The following PLXDC2 variants were observed in gnomAD, a reference collection of about 807,000 sequenced individuals.
PLXDC2 encodes plexin domain-containing protein 2.
A neutral mutation model predicts 68.9 loss-of-function variants in PLXDC2; 40 were observed. That is an observed-to-expected ratio of 0.58 (90% CI 0.45 to 0.76). The LOEUF (loss-of-function observed/expected upper bound fraction) is 0.76, where lower values mean the gene tolerates loss of function less well. PLXDC2 is among the 30% of genes least tolerant of loss of function. The pLI is 0.00. For missense variants in PLXDC2, 644 were observed against 661.9 expected (o/e 0.97, Z 0.30); for synonymous variants, 243 against 234.2 (o/e 1.04, Z -0.34).
intron 4 of PLXDC2, among the ~76,000 whole-genome samples, chr10:20,126,271 A>G (rs1833775705): frequency 6.8e-6 from 1 of 147,016 alleles, no homozygotes; most frequent in South Asian, 2.1e-4. Flanking sequence ...TATATAATAC[A>G]TATATACATA....
At chr10:19,822,224 A>C (rs946190586) in intron 1 of PLXDC2, among the ~76,000 whole-genome samples, 1 of 149,128 alleles carries the variant, frequency 6.7e-6, no homozygotes, top group Non-Finnish European at 1.5e-5. Flanking sequence ...TATATGCACT[A>C]CATATGCAAT....
chr10:20,035,560 G>A (rs1173233838), intron 2 of PLXDC2, among the ~76,000 whole-genome samples: 1 of 152,034 alleles, frequency 6.6e-6, no homozygotes, highest in Non-Finnish European at 1.5e-5. Context: ...GCTGGGCATG[G>A]TGGTGCGTGC....
At chr10:19,945,285 A>G (rs1448383671) in intron 1 of PLXDC2, among the ~76,000 whole-genome samples, 1 of 152,100 alleles carries the variant, frequency 6.6e-6, no homozygotes, top group East Asian at 1.9e-4. Context: ...GTGGCTCCTC[A>G]TTGAGGAGTC....
At chr10:19,978,048 C>T (rs1015253041) in intron 1 of PLXDC2, among the ~76,000 whole-genome samples, 1 of 152,146 alleles carries the variant, frequency 6.6e-6, no homozygotes, top group South Asian at 2.1e-4. Context: ...CCTACCCTAC[C>T]TTCCCTATGT....
At chr10:20,088,977 G>A (rs1054372058) in intron 4 of PLXDC2, among the ~76,000 whole-genome samples, 2 of 152,116 alleles carry the variant, frequency 1.3e-5, no homozygotes, top group African/African-American at 2.4e-5. Flanking sequence ...CATAAGCTGG[G>A]CTCACAACTC....
intron 1 of PLXDC2, among the ~76,000 whole-genome samples, chr10:19,877,550 AAAAAGT>A (rs760037788): frequency 5.3e-5 from 8 of 152,156 alleles, no homozygotes; most frequent in Non-Finnish European, 8.8e-5. Context: ...CTTTTACTTT[AAAAAGT>A]AAAAGATTGC....
chr10:20,137,145 A>T (rs1399347885), intron 4 of PLXDC2, among the ~76,000 whole-genome samples: 2 of 152,250 alleles, frequency 1.3e-5, no homozygotes, highest in East Asian at 3.8e-4. Flanking sequence ...TTAAAGTTAT[A>T]TAAATCTCCT....
chr10:20,162,046 G>C (rs867090422), intron 6 of PLXDC2, among the ~76,000 whole-genome samples: 2 of 38,100 alleles, frequency 5.2e-5, no homozygotes, highest in Non-Finnish European at 1.1e-4. Flanking sequence ...GAAAGAAAGA[G>C]AGAGAGAGAG....
chr10:20,027,512 A>G (rs907338809), intron 2 of PLXDC2, among the ~76,000 whole-genome samples: 13 of 152,088 alleles, frequency 8.5e-5, no homozygotes, highest in Admixed American at 1.3e-4. Context: ...TGAGAAAATG[A>G]ATTTCTTCTT....
intron 1 of PLXDC2, among the ~76,000 whole-genome samples, chr10:19,964,766 A>G (rs1385670233): frequency 6.6e-6 from 1 of 151,330 alleles, no homozygotes; most frequent in Non-Finnish European, 1.5e-5. Flanking sequence ...ACTATCTCCT[A>G]ACCTTAGCAG....
intron 12 of PLXDC2, among the ~76,000 whole-genome samples, chr10:20,245,103 A>G (rs1390161855): frequency 3.9e-5 from 6 of 152,180 alleles, no homozygotes; most frequent in Admixed American, 3.9e-4. Context: ...AACAAGAGCA[A>G]AATTCCATTT....
intron 1 of PLXDC2, among the ~76,000 whole-genome samples, chr10:19,866,295 C>G (rs781493219): frequency 6.6e-6 from 1 of 152,202 alleles, no homozygotes; most frequent in Non-Finnish European, 1.5e-5. Flanking sequence ...TCTGGAAGCT[C>G]TAGGAAAGAA....
chr10:19,891,193 A>C (rs564624596), intron 1 of PLXDC2, among the ~76,000 whole-genome samples: 6 of 152,336 alleles, frequency 3.9e-5, no homozygotes, highest in African/African-American at 1.4e-4. Context: ...TTGTCCTTAA[A>C]AACAACAAAA....
chr10:19,944,001 C>T (rs370191488), intron 1 of PLXDC2, among the ~76,000 whole-genome samples: 3 of 152,180 alleles, frequency 2.0e-5, no homozygotes, highest in Admixed American at 6.5e-5. Context: ...TCTAAAAACT[C>T]GTGGGCTAAT....
chr10:20,175,176 T>A (rs550502057), intron 7 of PLXDC2, among the ~76,000 whole-genome samples: 7 of 152,210 alleles, frequency 4.6e-5, no homozygotes, highest in South Asian at 2.1e-4. Flanking sequence ...CTAATATGTA[T>A]TGAGCATTTA....
intron 4 of PLXDC2, among the ~76,000 whole-genome samples, chr10:20,083,488 A>AAG (rs1466713476): frequency 2.0e-5 from 3 of 151,840 alleles, no homozygotes; most frequent in African/African-American, 7.3e-5. Flanking sequence ...AAAAAAAAAA[A>AAG]AAAAAATTAC....
At chr10:20,178,897 G>C (rs1259546687) in intron 9 of PLXDC2, among the ~76,000 whole-genome samples, 1 of 151,984 alleles carries the variant, frequency 6.6e-6, no homozygotes, top group African/African-American at 2.4e-5. Flanking sequence ...TTTAAAAGGA[G>C]ATTTTTAAGT....
chr10:20,140,443 G>GTA (rs1833990256), intron 4 of PLXDC2, among the ~76,000 whole-genome samples: 1 of 150,210 alleles, frequency 6.7e-6, no homozygotes, highest in South Asian at 2.1e-4. Flanking sequence ...CTATCTATCC[G>GTA]TCTAATCTTT....
At chr10:20,239,075 C>G (rs1835479528) in intron 12 of PLXDC2, among the ~76,000 whole-genome samples, 1 of 151,968 alleles carries the variant, frequency 6.6e-6, no homozygotes, top group South Asian at 2.1e-4. Context: ...TTCTTGTTGC[C>G]CTTTATTAAT....
Sources: gnomAD v4.1 joint callset for allele counts (sites outside exome capture counted in the v4.1 genomes callset) on GRCh38, gnomAD v4.1.1 for gene constraint, MANE v1.5 for transcripts, NCBI Gene and HGNC (gene_info 2026-07-23, HGNC 2026-07-21) for gene names.